ZNF639: variants seen among roughly 807,000 people sequenced by gnomAD.
ZNF639 encodes the protein zinc finger amplified in esophageal squamous cell carcinomas 1.
In ZNF639, 20 loss-of-function variants were observed where a neutral mutation model predicts 39.8. The ratio of observed to expected loss-of-function variants is 0.50; its 90% CI spans 0.35 to 0.73. The LOEUF is 0.73. ZNF639 is among the 30% of genes least tolerant of loss of function. The pLI is 0.00. For synonymous variants in ZNF639, 176 were observed against 189.8 expected (o/e 0.93, Z 0.60); for missense variants, 477 against 566.2 (o/e 0.84, Z 1.60).
Position 179,333,296 on chromosome 3 carries a change from A to G in ZNF639, c.332A>G (p.Asp111Gly). The G allele has an allele frequency of 6.8e-6, 11 of 1,608,196 alleles. No homozygotes were observed. Among genetic ancestry groups the G allele is most frequent in the Non-Finnish European group, 9.3e-6 (11 of 1,177,798 alleles). ...AAATCTGCTGATATTGTAATTTGTG[A>G]TGAAGAGTGTGACTCACCTGAATCA... ...TEKSADIVIC[D>G]EECDSPESVN... Residue 111 changes from aspartate to glycine, a missense_variant, in exon 6 of 6, where the codon GAT becomes GGT. Asp to Gly is a moderately conservative substitution (Grantham distance 94, BLOSUM62 -1). Coordinates refer to ENST00000496856, the MANE Select transcript of ZNF639 (RefSeq NM_001303426.2).
At position 179,333,477 on chromosome 3, in the gene ZNF639, G is replaced by T. The variant is rs17852358; in HGVS notation, c.513G>T (p.Pro171=). The T allele has an allele frequency of 1.9e-6, 3 of 1,614,068 alleles. No homozygotes were observed. The highest frequency in any genetic ancestry group is 2.5e-6 in the Non-Finnish European group (3 of 1,180,006). Residue 171 remains proline (P), a synonymous_variant, in exon 6 of 6, where the codon CCG becomes CCT. Coordinates refer to ENST00000496856, the MANE Select transcript of ZNF639 (RefSeq NM_001303426.2). ...TCCAAGACCAAACTGATGAAGAACC[G>T]CCAGCTAAACTTTGTAAAATTCTTG... is the stretch of plus-strand genomic sequence containing the variant. ...ESLQDQTDEE[P]PAKLCKILDK...
chr3:179,331,693 T>G (rs896011416), intron 4 of ZNF639, among the ~76,000 whole-genome samples: 1 of 149,182 alleles, frequency 6.7e-6, no homozygotes, highest in South Asian at 2.1e-4. Flanking sequence ...GAGAATTGCT[T>G]GAACCTGGGA....
Position 179,331,430 on chromosome 3 carries a change from T to G in ZNF639, c.170-1559T>G, listed in dbSNP as rs1470186881. On this transcript the variant is annotated intron_variant, in intron 4 of 5. Coordinates refer to ENST00000496856, the MANE Select transcript of ZNF639 (RefSeq NM_001303426.2). ...AGGTGGAATATAAGTCTGCACTCCTTAAGCATGGTCTGCACATAGTGACTT... is the reference window on the plus strand; with the variant it reads ...AGGTGGAATATAAGTCTGCACTCCTGAAGCATGGTCTGCACATAGTGACTT... Among the ~76,000 whole-genome samples, 3 of 152,314 alleles carry G rather than the reference T, an allele frequency of 2.0e-5. No individual in the cohort carries two copies. The East Asian group carries it at 5.8e-4, about 29-fold the overall frequency.
At chr3:179,330,692 A>G (rs1727857495) in intron 4 of ZNF639, among the ~76,000 whole-genome samples, 1 of 151,726 alleles carries the variant, frequency 6.6e-6, no homozygotes, top group Admixed American at 6.6e-5. Context: ...AGTTCTACTC[A>G]GCTATACCAC....
Position 179,328,308 on chromosome 3 carries a change from TA to T in ZNF639, c.22del (p.Arg8GlufsTer17). MNEYP[K>X]KRKRKTLHPS... ...ATTGAAAAGATATGAATGAGTATCC[TA>T]AAAAAAGAAAAAGGAAGACTCTACA... On this transcript the variant is annotated frameshift_variant, in exon 3 of 6. Transcript: ENST00000496856. LOFTEE classifies it high-confidence loss of function. 9 of 1,582,188 alleles carry T rather than the reference TA, an allele frequency of 5.7e-6. No homozygotes were observed. The highest frequency in any genetic ancestry group is 3.7e-5 in the Admixed American group (2 of 53,834).
At chr3:179,325,831 A>G (rs1434376314) in intron 1 of ZNF639, among the ~76,000 whole-genome samples, 1 of 152,054 alleles carries the variant, frequency 6.6e-6, no homozygotes, top group Non-Finnish European at 1.5e-5. Context: ...CAGTGAGCCA[A>G]GATAGCGCCA....
intron 1 of ZNF639, among the ~76,000 whole-genome samples, chr3:179,325,630 A>G (rs1201272196): frequency 2.0e-5 from 3 of 151,030 alleles, no homozygotes; most frequent in East Asian, 4.1e-4. Context: ...GCGGTGGCTC[A>G]CGCCTGTAAT....
At position 179,333,317 on chromosome 3, in the gene ZNF639, A is replaced by C. The variant is rs543486431; in HGVS notation, c.353A>C (p.Glu118Ala). Residue 118 changes from glutamate (E) to alanine (A), a missense_variant, in exon 6 of 6, where the codon GAA becomes GCA. Physicochemically the swap from Glu to Ala is moderately radical, Grantham distance 107. Transcript: ENST00000496856. ...VICDEECDSP[E>A]SVNQQTQEES... is the part of the protein sequence containing the mutation. The stretch of plus-strand genomic sequence containing the variant: ...TGTGATGAAGAGTGTGACTCACCTG[A>C]ATCAGTCAACCAGCAAACCCAAGAG... 6.2e-7 allele frequency: 1 copy of C among 1,613,298 alleles called. No individual in the cohort carries two copies. The highest frequency in any genetic ancestry group is 2.2e-5 in the East Asian group (1 of 44,872).
chr3:179,338,082 TA>T lies in ZNF639; in HGVS notation c.*3663del, dbSNP rs1365624251. 2.0e-5 allele frequency: 3 copies of T among 152,110 alleles called. No individual in the cohort carries two copies. Among genetic ancestry groups the T allele is most frequent in the African/African-American group, 7.2e-5 (3 of 41,418 alleles). 9.4% of individuals were successfully genotyped at this position (152,110 alleles called of 1,614,324 possible). On this transcript the variant is annotated 3_prime_UTR_variant, in exon 6 of 6. Coordinates refer to ENST00000496856, the MANE Select transcript of ZNF639 (RefSeq NM_001303426.2). Reference sequence around the variant, plus strand: ...GCCCGGCCAGTCTTTATTTTTAACTTAAAGAACTTCAGAAAAACAAACCTAC... The same window carrying T: ...GCCCGGCCAGTCTTTATTTTTAACTTAAGAACTTCAGAAAAACAAACCTAC...
intron 4 of ZNF639, among the ~76,000 whole-genome samples, chr3:179,331,352 G>A (rs1727893887): frequency 6.6e-6 from 1 of 152,126 alleles, no homozygotes; most frequent in African/African-American, 2.4e-5. Flanking sequence ...TAGCCAAAAG[G>A]CCAAGAAGCA....
At chr3:179,326,160 G>A (rs573707051) in intron 1 of ZNF639, among the ~76,000 whole-genome samples, 3 of 152,158 alleles carry the variant, frequency 2.0e-5, no homozygotes, top group Non-Finnish European at 2.9e-5. Context: ...GTAAACCCCC[G>A]TCTCTACTAA....
upstream of ZNF639, chr3:179,323,013 C>T (rs1048492459): frequency 1.0e-6 from 1 of 985,264 alleles, no homozygotes; most frequent in Non-Finnish European, 1.2e-6. Flanking sequence ...CACCTCCCCG[C>T]CCTCTCGGCG....
Position 179,337,184 on chromosome 3 carries a change from C to T in ZNF639, c.*2762C>T, listed in dbSNP as rs2108512168. 6.6e-6 allele frequency: 1 copy of T among 151,682 alleles called. No individual in the cohort carries two copies. Among genetic ancestry groups the T allele is most frequent in the East Asian group, 2.0e-4 (1 of 5,038 alleles). 9.4% of individuals were successfully genotyped at this position (151,682 alleles called of 1,614,324 possible). ...GCTGAGGCAGGAGAATGGCGTGAAC[C>T]CGGGAGGTGGAGCTTGCAGTGAGCC... is the stretch of plus-strand genomic sequence containing the variant. On this transcript the variant is annotated 3_prime_UTR_variant, in exon 6 of 6. Transcript: ENST00000496856.
At chr3:179,323,017 C>T (rs1451390038), upstream of ZNF639, 1 of 985,104 alleles carries the variant, frequency 1.0e-6, no homozygotes, top group Non-Finnish European at 1.2e-6. Context: ...TCCCCGCCCT[C>T]TCGGCGGGCC....
Position 179,323,173 on chromosome 3 carries a change from G to C in ZNF639, c.-201G>C. 1.0e-6 allele frequency: 1 copy of C among 984,632 alleles called. No homozygotes were observed. Among genetic ancestry groups the C allele is most frequent in the Non-Finnish European group, 1.2e-6 (1 of 829,720 alleles). The allele number at this position is 984,632 out of a possible 1,614,324, so 61.0% of individuals were successfully genotyped here. ...CACAGCGTCCGGGAGCGCTAGGGCC[G>C]GAGCAGCGCTGCCCGCCGCCGTGCG... is the stretch of plus-strand genomic sequence containing the variant. On this transcript the variant is annotated 5_prime_UTR_variant, in exon 1 of 6. Transcript: ENST00000496856.
At chr3:179,329,258 T>C (rs1029689043) in intron 3 of ZNF639, among the ~76,000 whole-genome samples, 10 of 152,214 alleles carry the variant, frequency 6.6e-5, no homozygotes, top group Non-Finnish European at 1.5e-4. Context: ...ATTTCCCCTA[T>C]GTAACAACCT....
At position 179,327,557 on chromosome 3, in the gene ZNF639, AC is replaced by A. The variant is rs1727667975; in HGVS notation, c.-82-3del. ...TAATAACTTCTTTCATGTTTTACTT[AC>A]AGGCATTTTTTACTGTCTACAGAAA... On this transcript the variant is annotated splice_polypyrimidine_tract_variant and splice_region_variant and intron_variant, in intron 1 of 5. Transcript: ENST00000496856. 6.6e-6 allele frequency: 1 copy of A among 152,232 alleles called. No individual in the cohort carries two copies. The highest frequency in any genetic ancestry group is 1.5e-5 in the Non-Finnish European group (1 of 68,044). 9.4% of individuals were successfully genotyped at this position (152,232 alleles called of 1,614,324 possible).
Position 179,332,438 on chromosome 3 carries a change from C to T in ZNF639, c.170-551C>T, listed in dbSNP as rs372450547. Among the ~76,000 whole-genome samples, 94 of 152,276 alleles carry T rather than the reference C, an allele frequency of 6.2e-4. 3 individuals carry two copies. The South Asian group carries it at 0.018, about 29-fold the overall frequency. ...AGGAGTTCAAGGCCAGCCTGGACAA[C>T]ATAGCAAGACCCCATCTCAAAAAAC... On this transcript the variant is annotated intron_variant, in intron 4 of 5. Transcript: ENST00000496856.
rs1481466802 is a variant in ZNF639 at position 179,333,460 on chromosome 3, C to A, written c.496C>A (p.Gln166Lys). 1.9e-6 allele frequency: 3 copies of A among 1,614,056 alleles called. No individual in the cohort carries two copies. In the South Asian group the frequency reaches 3.3e-5, roughly 18 times the overall value. The part of the protein sequence containing the change: ...ENNSSESLQD[Q>K]TDEEPPAKLC... ...CAATTCCTCTGAGAGTCTCCAAGAC[C>A]AAACTGATGAAGAACCGCCAGCTAA... The change falls in exon 6 of 6, where the codon CAA becomes AAA. Residue 166 changes from glutamine (Q) to lysine (K), a missense_variant. Gln to Lys is a moderately conservative substitution (Grantham distance 53). Transcript: ENST00000496856.
Sources: allele counts gnomAD v4.1 joint callset (sites outside exome capture counted in the v4.1 genomes callset), GRCh38; gene constraint gnomAD v4.1.1; transcripts MANE v1.5; gene names NCBI Gene and HGNC (gene_info 2026-07-23, HGNC 2026-07-21).